ULK4: variants seen among roughly 807,000 people sequenced by gnomAD.
ULK4 encodes inactive serine/threonine-protein kinase ULK4.
A neutral mutation model predicts 160.6 loss-of-function variants in ULK4; 133 were observed. That is an observed-to-expected ratio of 0.83 (90% CI 0.72 to 0.96). The LOEUF is 0.96. Among genes scored for constraint, ULK4 ranks in the 40% least tolerant of loss-of-function variants. The pLI is 0.00. For missense variants in ULK4, 1,580 were observed against 1,499.5 expected (o/e 1.05, Z -0.89); for synonymous variants, 534 against 539.8 (o/e 0.99, Z 0.15).
chr3:41,548,338 C>T (rs1306191162), intron 32 of ULK4, among the ~76,000 whole-genome samples: 1 of 152,028 alleles, frequency 6.6e-6, no homozygotes, highest in Non-Finnish European at 1.5e-5. Flanking sequence ...CTACCCCAAT[C>T]CCCAGTGCCC....
At chr3:41,323,067 A>C (rs1225355052) in intron 35 of ULK4, among the ~76,000 whole-genome samples, 1 of 151,882 alleles carries the variant, frequency 6.6e-6, no homozygotes, top group Non-Finnish European at 1.5e-5. Context: ...CCTCTTGAGT[A>C]GCTGGGATTA....
At chr3:41,954,506 A>C in intron 2 of ULK4, 116 bp downstream of exon 2, 1 of 1,209,000 alleles carries the variant, frequency 8.3e-7, no homozygotes, top group East Asian at 2.4e-5. Flanking sequence ...CATCCATTCC[A>C]GACTGAAAAT....
At chr3:41,423,057 A>C (rs1369802449) in intron 34 of ULK4, among the ~76,000 whole-genome samples, 1 of 152,244 alleles carries the variant, frequency 6.6e-6, no homozygotes, top group East Asian at 1.9e-4. Context: ...ATTGAAATAA[A>C]TAAAAATAAA....
chr3:41,790,290 T>C (rs79548912), intron 20 of ULK4, among the ~76,000 whole-genome samples: 1 of 152,246 alleles, frequency 6.6e-6, no homozygotes, highest in Admixed American at 6.5e-5. Context: ...AAAGGTAGTA[T>C]TATTATCCTC....
intron 32 of ULK4, among the ~76,000 whole-genome samples, chr3:41,482,730 CAG>C (rs1216332918): frequency 1.3e-5 from 2 of 152,182 alleles, no homozygotes; most frequent in East Asian, 1.9e-4. Flanking sequence ...TCTGTTTGTT[CAG>C]AGTCAGAAGT....
At chr3:41,253,529 A>G (rs1372673929) in intron 35 of ULK4, among the ~76,000 whole-genome samples, 2 of 152,002 alleles carry the variant, frequency 1.3e-5, no homozygotes, top group Admixed American at 1.3e-4. Flanking sequence ...TTTAAAAAAA[A>G]ACCCACAACA....
At chr3:41,506,769 T>TATAA (rs2085397889) in intron 32 of ULK4, among the ~76,000 whole-genome samples, 1 of 31,606 alleles carries the variant, frequency 3.2e-5, no homozygotes, top group Non-Finnish European at 5.3e-5. Flanking sequence ...TGATTTAAAA[T>TATAA]ATATATATAT....
chr3:41,958,284 CACA>C (rs1185134613), intron 1 of ULK4, among the ~76,000 whole-genome samples: 4 of 152,070 alleles, frequency 2.6e-5, no homozygotes, highest in Non-Finnish European at 4.4e-5. Flanking sequence ...GAGACTGGTG[CACA>C]ACAATGTAAC....
intron 32 of ULK4, among the ~76,000 whole-genome samples, chr3:41,551,948 G>A (rs1389421114): frequency 2.6e-5 from 4 of 151,962 alleles, no homozygotes; most frequent in Non-Finnish European, 5.9e-5. Flanking sequence ...GGGACACAAG[G>A]ATGGTTCAAC....
chr3:41,358,770 G>A (rs1463710416), intron 35 of ULK4, among the ~76,000 whole-genome samples: 1 of 152,166 alleles, frequency 6.6e-6, no homozygotes, highest in African/African-American at 2.4e-5. Context: ...TTTACTCCGA[G>A]ATGGACAGCC....
Position 41,935,869 on chromosome 3 carries a change from C to T in ULK4, c.310G>A (p.Asp104Asn), listed in dbSNP as rs1337660147. The T allele has an allele frequency of 1.2e-6, 2 of 1,613,942 alleles. No individual in the cohort carries two copies. The highest frequency in any genetic ancestry group is 1.7e-6 in the Non-Finnish European group (2 of 1,179,972). The change falls in exon 4 of 37, where the codon GAC (aspartate) becomes AAC (asparagine). Residue 104 changes from aspartate to asparagine, a missense_variant. By Grantham distance (23) the Asp-to-Asn change is conservative. Coordinates refer to ENST00000301831, the MANE Select transcript of ULK4 (RefSeq NM_017886.4). Reference protein sequence around the residue: ...PEDVVREFGIDLISGLHHLHK... With the variant: ...PEDVVREFGINLISGLHHLHK... ...AGATGATGTAATCCACTAATCAGGT[C>T]AATTCCAAATTCTCTCACAACATCT...
chr3:41,279,947 A>T (rs1476821768), intron 35 of ULK4, among the ~76,000 whole-genome samples: 3 of 152,218 alleles, frequency 2.0e-5, no homozygotes, highest in African/African-American at 7.2e-5. Context: ...ATGCAGGAAG[A>T]TCTACCAAGC....
chr3:41,934,154 C>T (rs752124546), intron 4 of ULK4, among the ~76,000 whole-genome samples: 17 of 151,974 alleles, frequency 1.1e-4, no homozygotes, highest in Admixed American at 2.0e-4. Context: ...TACATGAAAT[C>T]CACATTTCCA....
At chr3:41,731,601 A>C (rs2037823883) in intron 22 of ULK4, among the ~76,000 whole-genome samples, 1 of 151,942 alleles carries the variant, frequency 6.6e-6, no homozygotes, top group Admixed American at 6.6e-5. Context: ...ATTACCAATG[A>C]CATTCTTCAC....
chr3:41,469,602 CAA>C (rs71616008), intron 32 of ULK4, among the ~76,000 whole-genome samples: 408 of 11,326 alleles, frequency 0.036, 1 homozygote, highest in African/African-American at 0.078. Flanking sequence ...CTACACCTGC[CAA>C]AAAAAAAAAA....
At chr3:41,870,831 A>C (rs1197783497) in intron 17 of ULK4, among the ~76,000 whole-genome samples, 1 of 152,230 alleles carries the variant, frequency 6.6e-6, no homozygotes, top group Admixed American at 6.5e-5. Context: ...AACCACTGTG[A>C]TATAGTTTGG....
intron 27 of ULK4, among the ~76,000 whole-genome samples, chr3:41,683,386 G>A (rs1434583902): frequency 1.3e-5 from 2 of 151,934 alleles, no homozygotes; most frequent in African/African-American, 4.8e-5. Context: ...GGGCTTGTCT[G>A]CGATCACCAG....
chr3:41,905,802 C>T (rs11705749), intron 12 of ULK4, among the ~76,000 whole-genome samples: 104,645 of 152,000 alleles, frequency 0.69, 39,412 homozygotes, highest in East Asian at 0.83. Context: ...TAGCTGGGCG[C>T]GGTGGCTCAC....
In ULK4 at chr3:41,859,099, C is replaced by T. The variant is rs376565439; in HGVS notation, c.1657-23128G>A. Among the ~76,000 whole-genome samples the T allele has an allele frequency of 4.1e-4, 63 of 152,246 alleles. No homozygotes were observed. The South Asian group carries it at 0.012, about 30-fold the overall frequency. On this transcript the variant is annotated intron_variant, in intron 17 of 36. Transcript: ENST00000301831. ...GACAATCTTCTATCTCAGAAGAGTA[C>T]ATAATCATTTTCTGGAGTCAGCACA...
Sources: gnomAD v4.1 joint callset for allele counts (sites outside exome capture counted in the v4.1 genomes callset) on GRCh38, gnomAD v4.1.1 for gene constraint, MANE v1.5 for transcripts, NCBI Gene and HGNC (gene_info 2026-07-23, HGNC 2026-07-21) for gene names.